The following PCLO variants were observed in gnomAD, a reference collection of about 807,000 sequenced individuals.
The protein encoded by PCLO is protein piccolo.
A neutral mutation model predicts 427.5 loss-of-function variants in PCLO; 82 were observed. The observed-to-expected ratio is 0.19, with a 90% confidence interval of 0.16 to 0.23. PCLO has a LOEUF of 0.23. Among genes scored for constraint, PCLO ranks in the 10% least tolerant of loss-of-function variants. The probability of loss-of-function intolerance (pLI) is 1.00; values close to 1 mark genes in which losing one functional copy is unlikely to be tolerated. For missense variants in PCLO, 6,239 were observed against 6,115.9 expected (o/e 1.02, Z -0.67); for synonymous variants, 2,357 against 2,155.4 (o/e 1.09, Z -2.59).
At chr7:82,839,888 C>G (rs1792323866) in intron 14 of PCLO, among the ~76,000 whole-genome samples, 1 of 151,434 alleles carries the variant, frequency 6.6e-6, no homozygotes, top group Non-Finnish European at 1.5e-5. Context: ...TTGAAATGAG[C>G]CTTTGCTAAA....
intron 6 of PCLO, among the ~76,000 whole-genome samples, chr7:82,925,650 C>A (rs192402320): frequency 6.6e-6 from 1 of 151,794 alleles, no homozygotes; most frequent in South Asian, 2.1e-4. Context: ...CTGCTTCTAC[C>A]CTCTTTGGCT....
chr7:83,128,782 G>T (rs1376751760), intron 3 of PCLO, among the ~76,000 whole-genome samples: 2 of 152,066 alleles, frequency 1.3e-5, no homozygotes, highest in Non-Finnish European at 2.9e-5. Flanking sequence ...CACTAGAAAG[G>T]CAGATAAATC....
intron 22 of PCLO, among the ~76,000 whole-genome samples, chr7:82,792,245 A>AT (rs1222066974): frequency 6.6e-6 from 1 of 151,540 alleles, no homozygotes; most frequent in African/African-American, 2.4e-5. Flanking sequence ...AAATAATACC[A>AT]TTTTTTTCTT....
intron 22 of PCLO, among the ~76,000 whole-genome samples, chr7:82,762,765 G>A (rs537433535): frequency 4.2e-4 from 64 of 151,870 alleles, no homozygotes; most frequent in Non-Finnish European, 7.1e-4. Flanking sequence ...GCTTAATAGA[G>A]GACAACTGCA....
At chr7:82,801,909 G>A (rs1413155432) in intron 21 of PCLO, among the ~76,000 whole-genome samples, 1 of 151,870 alleles carries the variant, frequency 6.6e-6, no homozygotes, top group Admixed American at 6.6e-5. Context: ...TAGAAATTTT[G>A]TTTTAGAATT....
At chr7:82,821,936 CA>C in intron 20 of PCLO, 1 of 985,472 alleles carries the variant, frequency 1.0e-6, no homozygotes, top group Non-Finnish European at 1.2e-6. Context: ...ATTTCAGAAG[CA>C]AAATTTGTTA....
intron 10 of PCLO, among the ~76,000 whole-genome samples, chr7:82,858,068 CAAT>C (rs2115891269): frequency 6.6e-6 from 1 of 152,148 alleles, no homozygotes; most frequent in Non-Finnish European, 1.5e-5. Context: ...CAAAACTTCT[CAAT>C]AAAATACTAA....
At chr7:82,961,922 TGTTA>T (rs1197768502) in intron 4 of PCLO, among the ~76,000 whole-genome samples, 1 of 152,212 alleles carries the variant, frequency 6.6e-6, no homozygotes, top group African/African-American at 2.4e-5. Flanking sequence ...AAAAATCATT[TGTTA>T]AAGATCAAAC....
intron 3 of PCLO, among the ~76,000 whole-genome samples, chr7:83,051,833 G>C (rs1187549832): frequency 6.6e-6 from 1 of 152,096 alleles, no homozygotes; most frequent in Admixed American, 6.6e-5. Flanking sequence ...AAAAGACAGT[G>C]TGGTTTTGGC....
intron 3 of PCLO, among the ~76,000 whole-genome samples, chr7:83,038,681 T>G (rs1018647050): frequency 2.6e-5 from 4 of 152,030 alleles, no homozygotes; most frequent in Non-Finnish European, 5.9e-5. Flanking sequence ...ATAGTGCTAC[T>G]AAAAACATTC....
At chr7:82,968,648 T>C (rs1795833982) in intron 3 of PCLO, among the ~76,000 whole-genome samples, 1 of 151,374 alleles carries the variant, frequency 6.6e-6, no homozygotes, top group Non-Finnish European at 1.5e-5. Context: ...GTCTCCTGAG[T>C]AGCTGGGATT....
intron 3 of PCLO, among the ~76,000 whole-genome samples, chr7:83,008,048 G>A (rs919782120): frequency 6.6e-6 from 1 of 151,526 alleles, no homozygotes; most frequent in African/African-American, 2.4e-5. Flanking sequence ...TCTTTGCAAA[G>A]CCTACCCTAT....
rs1313507506 is a variant in PCLO, at chr7:83,095,469, TTTTGA to T, written c.3300+38776_3300+38780del. Reference sequence around the variant, plus strand: ...TTATTATTTTTTTCCTTCTACTTGCTTTTGATTTATTTTGCTCTATTTTTTTTAGG... The same window carrying T: ...TTATTATTTTTTTCCTTCTACTTGCTTTTATTTTGCTCTATTTTTTTTAGG... On this transcript the variant is annotated intron_variant, in intron 3 of 24. Coordinates refer to ENST00000333891, the MANE Select transcript of PCLO (RefSeq NM_033026.6). Among the ~76,000 whole-genome samples, 15 of 151,936 alleles carry T rather than the reference TTTTGA, an allele frequency of 9.9e-5. No individual in the cohort carries two copies. In the South Asian group the frequency reaches 1.9e-3, roughly 19 times the overall value.
chr7:83,134,352 G>C lies in PCLO; in HGVS notation c.3198C>G (p.Leu1066=), dbSNP rs1188686833. ...ESTCPLCKTE[L]NIGSKDPPNF... ...TAGGAGGATCCTTAGAACCTATGTTGAGTTCAGTTTTGCAGAGAGGACAGG... is the reference window on the plus strand; with the variant it reads ...TAGGAGGATCCTTAGAACCTATGTTCAGTTCAGTTTTGCAGAGAGGACAGG... The change falls in exon 3 of 25, where the codon CTC becomes CTG. Residue 1066 remains leucine (L), a synonymous_variant. Transcript: ENST00000333891. 9 of 1,612,666 alleles carry C rather than the reference G, an allele frequency of 5.6e-6. No homozygotes were observed. The highest frequency in any genetic ancestry group is 6.8e-6 in the Non-Finnish European group (8 of 1,179,328).
Position 82,915,998 on chromosome 7 carries a change from T to C in PCLO, c.11988A>G (p.Thr3996=), listed in dbSNP as rs781369046. The change falls in exon 7 of 25, where the codon ACA becomes ACG. Residue 3996 remains threonine (T), a synonymous_variant. Coordinates refer to ENST00000333891, the MANE Select transcript of PCLO (RefSeq NM_033026.6). ...LMIAPVSTDN[T]FAVSHLGSKY... ...TACTACCAAGATGGGAAACAGCAAA[T>C]GTGTTATCCGTAGAAACAGGTGCTA... 2.5e-6 allele frequency: 4 copies of C among 1,612,788 alleles called. No individual in the cohort carries two copies. Among genetic ancestry groups the C allele is most frequent in the South Asian group, 1.1e-5 (1 of 91,084 alleles).
At chr7:82,804,704 A>T (rs971730834) in intron 21 of PCLO, among the ~76,000 whole-genome samples, 1 of 152,176 alleles carries the variant, frequency 6.6e-6, no homozygotes, top group Non-Finnish European at 1.5e-5. Flanking sequence ...GCTAATAGGC[A>T]CGGTTGTGTT....
chr7:83,102,165 G>C (rs1261660822), intron 3 of PCLO, among the ~76,000 whole-genome samples: 3 of 151,914 alleles, frequency 2.0e-5, no homozygotes, highest in African/African-American at 4.8e-5. Flanking sequence ...TGATGTGCCT[G>C]TGAGAAATCA....
At chr7:83,014,477 A>G (rs1788159293) in intron 3 of PCLO, among the ~76,000 whole-genome samples, 1 of 152,190 alleles carries the variant, frequency 6.6e-6, no homozygotes. Flanking sequence ...AATGGATCAA[A>G]GAATATATTT....
Position 82,952,732 on chromosome 7 carries a change from T to C in PCLO, c.8221A>G (p.Thr2741Ala). Residue 2741 changes from threonine (T) to alanine (A), a missense_variant, in exon 5 of 25, where the codon ACT becomes GCT. Coordinates refer to ENST00000333891, the MANE Select transcript of PCLO (RefSeq NM_033026.6). ...RTVPKVEVKT[T>A]DKCIDLSAST... is the part of the protein sequence containing the mutation. ...GCAGAAAGATCAATACATTTATCAG[T>C]TGTTTTAACTTCTACCTTTGGTACT... is the stretch of plus-strand genomic sequence containing the variant. 1 of 1,613,692 alleles carries C rather than the reference T, an allele frequency of 6.2e-7. No individual in the cohort carries two copies. The highest frequency in any genetic ancestry group is 1.1e-5 in the South Asian group (1 of 91,076).
Sources: gnomAD v4.1 joint callset for allele counts (sites outside exome capture counted in the v4.1 genomes callset) on GRCh38, gnomAD v4.1.1 for gene constraint, MANE v1.5 for transcripts, NCBI Gene and HGNC (gene_info 2026-07-23, HGNC 2026-07-21) for gene names.